The following PPP2R5E variants were observed in gnomAD, a reference collection of about 807,000 sequenced individuals.
PPP2R5E encodes protein phosphatase 2 regulatory subunit B'epsilon.
In PPP2R5E, 4 loss-of-function variants were observed where a neutral mutation model predicts 65.3. The observed-to-expected ratio is 0.06, with a 90% CI of 0.03 to 0.14. The LOEUF is 0.14. Among genes scored for constraint, PPP2R5E ranks in the 10% least tolerant of loss-of-function variants. PPP2R5E has a pLI of 1.00. For synonymous variants in PPP2R5E, 183 were observed against 187.4 expected (o/e 0.98, Z 0.19); for missense variants, 274 against 556.1 (o/e 0.49, Z 5.10).
At chr14:63,439,485 C>T (rs1015566869) in intron 3 of PPP2R5E, among the ~76,000 whole-genome samples, 3 of 152,202 alleles carry the variant, frequency 2.0e-5, no homozygotes, top group Non-Finnish European at 2.9e-5. Flanking sequence ...AGCCATTCTC[C>T]TGCCTCAGCC....
chr14:63,446,934 T>C (rs1052379985), intron 3 of PPP2R5E, among the ~76,000 whole-genome samples: 34 of 152,224 alleles, frequency 2.2e-4, no homozygotes, highest in Middle Eastern at 3.4e-3. Context: ...AGTAATACTT[T>C]GGGGGAAAAG....
Position 63,466,286 on chromosome 14 carries a change from AC to A in PPP2R5E, c.158-12402del, listed in dbSNP as rs745664653. ...GTTTTAAAAATACAAAAAAAAAAAA[AC>A]AACAACAAGAGTCAATCCAATGTTG... is the stretch of plus-strand genomic sequence containing the variant. On this transcript the variant is annotated intron_variant, in intron 2 of 13. Coordinates refer to ENST00000337537, the MANE Select transcript of PPP2R5E (RefSeq NM_006246.5). Among the ~76,000 whole-genome samples, 1,485 of 150,870 alleles carry A rather than the reference AC, an allele frequency of 9.8e-3. 41 individuals are homozygous for A. The highest frequency in any genetic ancestry group is 0.033 in the African/African-American group (1,335 of 40,944).
intron 2 of PPP2R5E, among the ~76,000 whole-genome samples, chr14:63,518,154 C>T (rs1892739887): frequency 6.6e-6 from 1 of 152,210 alleles, no homozygotes. Context: ...CAGCTCACTG[C>T]AGCCTCGAAC....
intron 3 of PPP2R5E, among the ~76,000 whole-genome samples, chr14:63,424,151 G>T (rs1887197908): frequency 6.6e-6 from 1 of 152,220 alleles, no homozygotes; most frequent in Admixed American, 6.5e-5. Flanking sequence ...TTTGCTGCTG[G>T]CTTGGATATA....
At chr14:63,499,708 G>C (rs951641913) in intron 2 of PPP2R5E, among the ~76,000 whole-genome samples, 5 of 151,396 alleles carry the variant, frequency 3.3e-5, no homozygotes, top group Non-Finnish European at 5.9e-5. Context: ...GCCTGGAAGA[G>C]AGACTGGGAT....
chr14:63,392,046 A>G, intron 8 of PPP2R5E, 21 bp from the exon 9 acceptor site: 1 of 1,576,238 alleles, frequency 6.3e-7, no homozygotes, highest in South Asian at 1.2e-5. Context: ...AATAAAATAA[A>G]AGGCAAAATT....
chr14:63,438,722 A>C (rs1466453030), intron 3 of PPP2R5E, among the ~76,000 whole-genome samples: 3 of 152,240 alleles, frequency 2.0e-5, no homozygotes, highest in African/African-American at 7.2e-5. Context: ...TAAATGAAGC[A>C]AATAGCAATC....
At chr14:63,442,809 A>C (rs2139437582) in intron 3 of PPP2R5E, among the ~76,000 whole-genome samples, 1 of 152,284 alleles carries the variant, frequency 6.6e-6, no homozygotes, top group Admixed American at 6.5e-5. Flanking sequence ...ACATATCCCC[A>C]TGGTTAAGGG....
intron 5 of PPP2R5E, among the ~76,000 whole-genome samples, chr14:63,406,567 G>A (rs994355202): frequency 6.6e-6 from 1 of 152,210 alleles, no homozygotes; most frequent in Non-Finnish European, 1.5e-5. Context: ...TTGGCAGCAG[G>A]ATCCAAGCTC....
At chr14:63,381,458 C>T (rs544739497) in intron 13 of PPP2R5E, among the ~76,000 whole-genome samples, 32 of 152,024 alleles carry the variant, frequency 2.1e-4, no homozygotes, top group African/African-American at 7.7e-4. Context: ...TTTAAGTGAA[C>T]CTAAAATACC....
chr14:63,450,039 C>G (rs957475741), intron 3 of PPP2R5E, among the ~76,000 whole-genome samples: 1 of 152,038 alleles, frequency 6.6e-6, no homozygotes, highest in Non-Finnish European at 1.5e-5. Context: ...CCATGCCAGG[C>G]TAATTTTTGT....
chr14:63,413,594 A>C (rs1886523680), intron 5 of PPP2R5E, among the ~76,000 whole-genome samples: 1 of 152,200 alleles, frequency 6.6e-6, no homozygotes, highest in African/African-American at 2.4e-5. Context: ...CTACTTTACA[A>C]GACTGTTGTA....
At chr14:63,465,457 A>G (rs1172710976) in intron 2 of PPP2R5E, among the ~76,000 whole-genome samples, 1 of 121,232 alleles carries the variant, frequency 8.2e-6, no homozygotes, top group Non-Finnish European at 1.6e-5. Context: ...CTACAAAAAA[A>G]AAAAAAAAAA....
At chr14:63,438,314 G>C (rs1888041495) in intron 3 of PPP2R5E, among the ~76,000 whole-genome samples, 1 of 152,170 alleles carries the variant, frequency 6.6e-6, no homozygotes, top group Non-Finnish European at 1.5e-5. Flanking sequence ...CCTCAGTAGA[G>C]AGACAGCCAA....
chr14:63,455,020 T>G (rs777765552), intron 2 of PPP2R5E, among the ~76,000 whole-genome samples: 13 of 152,252 alleles, frequency 8.5e-5, no homozygotes, highest in Admixed American at 6.5e-4. Context: ...CCTTTTGTAC[T>G]AAGCAAGAAG....
intron 2 of PPP2R5E, among the ~76,000 whole-genome samples, chr14:63,471,292 T>C (rs1890120413): frequency 6.6e-6 from 1 of 152,170 alleles, no homozygotes; most frequent in Admixed American, 6.5e-5. Flanking sequence ...CTATTGAAAA[T>C]ATCATGATCT....
chr14:63,404,988 T>C (rs1885983799), intron 5 of PPP2R5E, among the ~76,000 whole-genome samples: 1 of 152,192 alleles, frequency 6.6e-6, no homozygotes, highest in Non-Finnish European at 1.5e-5. Context: ...ATTAAGAGTT[T>C]CAAGACAGCA....
intron 2 of PPP2R5E, among the ~76,000 whole-genome samples, chr14:63,467,528 C>A (rs1351682135): frequency 6.6e-6 from 1 of 152,138 alleles, no homozygotes; most frequent in East Asian, 1.9e-4. Flanking sequence ...ATAACTCTAT[C>A]TTCCACTTAA....
intron 2 of PPP2R5E, among the ~76,000 whole-genome samples, chr14:63,484,345 T>TCACA (rs1239784741): frequency 3.2e-4 from 40 of 124,350 alleles, no homozygotes; most frequent in Admixed American, 1.3e-3. Context: ...TCTCTCTCTC[T>TCACA]CTCACACACA....
Sources: allele counts gnomAD v4.1 joint callset (sites outside exome capture counted in the v4.1 genomes callset), GRCh38; gene constraint gnomAD v4.1.1; transcripts MANE v1.5; gene names NCBI Gene and HGNC (gene_info 2026-07-23, HGNC 2026-07-21).